The following KCNB2 variants were observed in gnomAD, a reference collection of about 807,000 sequenced individuals.
The protein encoded by KCNB2 is delayed rectifier potassium channel protein.
Under a neutral mutation model 61.5 loss-of-function variants are expected in KCNB2, and 15 were observed. The observed-to-expected ratio is 0.24, with a 90% CI of 0.16 to 0.38. The LOEUF (loss-of-function observed/expected upper bound fraction) is 0.38. Among genes scored for constraint, KCNB2 ranks in the 10% least tolerant of loss-of-function variants. KCNB2 has a pLI of 1.00. For synonymous variants in KCNB2, 457 were observed against 446.0 expected (o/e 1.02, Z -0.31); for missense variants, 828 against 1,125.2 (o/e 0.74, Z 3.78).
At position 72,772,795 on chromosome 8, in the gene KCNB2, T is replaced by C. The variant is rs1172788387; in HGVS notation, c.580-163140T>C. Among the ~76,000 whole-genome samples the C allele has an allele frequency of 2.6e-5, 4 of 152,188 alleles. No homozygotes were observed. In the East Asian group the frequency reaches 7.7e-4, roughly 29 times the overall value. On this transcript the variant is annotated intron_variant, in intron 2 of 2. Coordinates refer to ENST00000523207, the MANE Select transcript of KCNB2 (RefSeq NM_004770.3). ...TTCACATAAATACCTGGATGAAAGA[T>C]GTTCTGTTCCAAAGCATCAGTGGCA...
intron 2 of KCNB2, among the ~76,000 whole-genome samples, chr8:72,777,101 T>C (rs752606810): frequency 6.6e-6 from 1 of 152,230 alleles, no homozygotes; most frequent in Non-Finnish European, 1.5e-5. Flanking sequence ...ACTTTAAAAA[T>C]TCTCATGTGA....
intron 2 of KCNB2, among the ~76,000 whole-genome samples, chr8:72,633,469 C>G (rs1002153195): frequency 1.3e-5 from 2 of 152,152 alleles, no homozygotes; most frequent in Non-Finnish European, 2.9e-5. Flanking sequence ...CGCCATGTAA[C>G]TTCACATATT....
At position 72,705,682 on chromosome 8, in the gene KCNB2, A is replaced by G. The variant is rs960641722; in HGVS notation, c.579+137369A>G. Reference sequence around the variant, plus strand: ...TCAAAATTTGTGGGCTGGTGGAGGAAGACAATCAAGCCAACTAAACCACAG... The same window carrying G: ...TCAAAATTTGTGGGCTGGTGGAGGAGGACAATCAAGCCAACTAAACCACAG... On this transcript the variant is annotated intron_variant, in intron 2 of 2. Coordinates refer to ENST00000523207, the MANE Select transcript of KCNB2 (RefSeq NM_004770.3). Among the ~76,000 whole-genome samples, 5 of 152,226 alleles carry G rather than the reference A, an allele frequency of 3.3e-5. No individual in the cohort carries two copies. The East Asian group carries it at 9.6e-4, about 29-fold the overall frequency.
At chr8:72,640,694 A>T (rs547103724) in intron 2 of KCNB2, among the ~76,000 whole-genome samples, 2 of 152,070 alleles carry the variant, frequency 1.3e-5, no homozygotes, top group Admixed American at 1.3e-4. Context: ...TAAAAAAAAT[A>T]TTAGGAAAAA....
At chr8:72,820,448 C>T (rs188409982) in intron 2 of KCNB2, among the ~76,000 whole-genome samples, 2 of 152,270 alleles carry the variant, frequency 1.3e-5, no homozygotes, top group Non-Finnish European at 2.9e-5. Context: ...GTGGCCTCCT[C>T]AATCATGTTC....
At chr8:72,601,772 G>T (rs1805354756) in intron 2 of KCNB2, among the ~76,000 whole-genome samples, 1 of 152,098 alleles carries the variant, frequency 6.6e-6, no homozygotes, top group Admixed American at 6.6e-5. Flanking sequence ...GACCTGAGTG[G>T]CTTGAAATGC....
chr8:72,638,682 C>T (rs1175204613), intron 2 of KCNB2, among the ~76,000 whole-genome samples: 1 of 152,112 alleles, frequency 6.6e-6, no homozygotes, highest in South Asian at 2.1e-4. Context: ...CAGTCTCAAT[C>T]AAGTCCTACT....
At chr8:72,655,207 A>T (rs1418568422) in intron 2 of KCNB2, among the ~76,000 whole-genome samples, 1 of 152,160 alleles carries the variant, frequency 6.6e-6, no homozygotes, top group African/African-American at 2.4e-5. Flanking sequence ...GGAAAACCAA[A>T]TACCACATAT....
intron 2 of KCNB2, among the ~76,000 whole-genome samples, chr8:72,868,275 A>G (rs1805563853): frequency 6.6e-6 from 1 of 151,110 alleles, no homozygotes; most frequent in Non-Finnish European, 1.5e-5. Context: ...ATGCTTTCCA[A>G]TTCTAATAAG....
intron 1 of KCNB2, among the ~76,000 whole-genome samples, chr8:72,550,098 T>C (rs1022115447): frequency 2.6e-5 from 4 of 152,248 alleles, no homozygotes; most frequent in Non-Finnish European, 4.4e-5. Context: ...CCCACTATCC[T>C]TTCTCAAGAT....
intron 2 of KCNB2, among the ~76,000 whole-genome samples, chr8:72,791,304 C>T (rs948470544): frequency 7.9e-5 from 12 of 152,108 alleles, no homozygotes; most frequent in African/African-American, 2.9e-4. Flanking sequence ...AATCCCAGCA[C>T]TTTGCGGGAC....
intron 2 of KCNB2, among the ~76,000 whole-genome samples, chr8:72,640,141 A>C (rs76578288): frequency 1.3e-5 from 2 of 152,046 alleles, no homozygotes; most frequent in Non-Finnish European, 2.9e-5. Flanking sequence ...TGAAGGAACA[A>C]AGTGGTGTGT....
At chr8:72,575,336 T>C (rs1017546455) in intron 2 of KCNB2, among the ~76,000 whole-genome samples, 1 of 148,902 alleles carries the variant, frequency 6.7e-6, no homozygotes, top group Non-Finnish European at 1.5e-5. Flanking sequence ...CTCATACTAT[T>C]GATTAGCATT....
intron 2 of KCNB2, among the ~76,000 whole-genome samples, chr8:72,904,694 A>C (rs1182742330): frequency 3.3e-5 from 5 of 152,074 alleles, no homozygotes; most frequent in Non-Finnish European, 1.5e-5. Flanking sequence ...GTTTTAGGGT[A>C]CATGTGCACA....
At chr8:72,694,592 A>C (rs760673202) in intron 2 of KCNB2, among the ~76,000 whole-genome samples, 2 of 152,176 alleles carry the variant, frequency 1.3e-5, no homozygotes, top group Non-Finnish European at 2.9e-5. Flanking sequence ...AAGTGTTCTC[A>C]TATCTTCCCA....
At chr8:72,912,670 C>T (rs1369337287) in intron 2 of KCNB2, among the ~76,000 whole-genome samples, 1 of 151,886 alleles carries the variant, frequency 6.6e-6, no homozygotes, top group East Asian at 1.9e-4. Context: ...CAGTATCCTC[C>T]TTTTATATAT....
At chr8:72,708,946 C>G (rs1205733817) in intron 2 of KCNB2, among the ~76,000 whole-genome samples, 1 of 152,160 alleles carries the variant, frequency 6.6e-6, no homozygotes, top group Non-Finnish European at 1.5e-5. Flanking sequence ...CCCAGGATCC[C>G]CTTTCTACCT....
intron 2 of KCNB2, among the ~76,000 whole-genome samples, chr8:72,791,535 G>A (rs1051542649): frequency 1.3e-5 from 2 of 152,060 alleles, no homozygotes; most frequent in African/African-American, 4.8e-5. Context: ...GGTGACACAG[G>A]TGAGACTCTG....
intron 1 of KCNB2, among the ~76,000 whole-genome samples, chr8:72,565,132 AAT>A (rs1491337032): frequency 2.8e-5 from 3 of 108,968 alleles, no homozygotes; most frequent in Admixed American, 2.2e-4. Flanking sequence ...GTGTGATGAA[AAT>A]GTGTGTGTAT....
Sources: allele counts gnomAD v4.1 joint callset (sites outside exome capture counted in the v4.1 genomes callset), GRCh38; gene constraint gnomAD v4.1.1; transcripts MANE v1.5; gene names NCBI Gene and HGNC (gene_info 2026-07-23, HGNC 2026-07-21).